The following STK31 variants were observed in gnomAD, a reference collection of about 807,000 sequenced individuals.
The protein encoded by STK31 is serine/threonine kinase 31, also known as serine/threonine-protein kinase 31.
Under a neutral mutation model 129.7 loss-of-function variants are expected in STK31, and 89 were observed. The ratio of observed to expected loss-of-function variants is 0.69; its 90% CI spans 0.58 to 0.82. The LOEUF (loss-of-function observed/expected upper bound fraction) is 0.82. STK31 is among the 40% of genes least tolerant of loss of function. STK31 has a pLI of 0.00. For synonymous variants in STK31, 448 were observed against 395.3 expected, an observed-to-expected ratio of 1.13 and a Z score of -1.58; for missense variants, 1,187 against 1,176.4, an observed-to-expected ratio of 1.01 and a Z score of -0.13.
intron 4 of STK31, among the ~76,000 whole-genome samples, chr7:23,718,215 C>T (rs1212027395): frequency 6.6e-6 from 1 of 152,158 alleles, no homozygotes; most frequent in Non-Finnish European, 1.5e-5. Context: ...ATGTACCTGG[C>T]ACTGTATTAA....
At chr7:23,721,877 A>AGCTT in intron 4 of STK31, 1 of 449,542 alleles carries the variant, frequency 2.2e-6, no homozygotes, top group South Asian at 2.1e-5. Flanking sequence ...CAGCTACTGA[A>AGCTT]GCTTGTGCAT....
intron 4 of STK31, chr7:23,726,436 A>C (rs1787081516): frequency 1.7e-5 from 1 of 57,376 alleles, no homozygotes; most frequent in Non-Finnish European, 5.3e-5. Flanking sequence ...CTACAAAAAA[A>C]AAAAAAAAAA....
At chr7:23,788,910 CATT>C (rs1380875252) in intron 21 of STK31, among the ~76,000 whole-genome samples, 2 of 152,040 alleles carry the variant, frequency 1.3e-5, no homozygotes, top group African/African-American at 2.4e-5. Context: ...AATTCCAGAA[CATT>C]ATTAACATTC....
intron 10 of STK31, among the ~76,000 whole-genome samples, chr7:23,756,250 T>G (rs974149982): frequency 6.6e-6 from 1 of 152,192 alleles, no homozygotes; most frequent in African/African-American, 2.4e-5. Context: ...TTTATTCTGT[T>G]TGTAGCAATT....
At chr7:23,821,507 G>C (rs1479399722) in intron 23 of STK31, among the ~76,000 whole-genome samples, 1 of 151,958 alleles carries the variant, frequency 6.6e-6, no homozygotes, top group Non-Finnish European at 1.5e-5. Flanking sequence ...CTTTTTAATG[G>C]AATTGTTTTC....
chr7:23,783,280 G>A (rs532508437), intron 16 of STK31, among the ~76,000 whole-genome samples: 2 of 152,268 alleles, frequency 1.3e-5, no homozygotes, highest in East Asian at 3.9e-4. Flanking sequence ...ATTGTTATAG[G>A]TCCACACTGC....
intron 5 of STK31, 137 bp from the exon 6 acceptor site, chr7:23,728,954 C>A: frequency 1.6e-6 from 1 of 628,850 alleles, no homozygotes; most frequent in Non-Finnish European, 2.4e-6. Context: ...AAATCTGTTT[C>A]TGAATGTATT....
At chr7:23,740,942 A>G (rs1452157291) in intron 8 of STK31, among the ~76,000 whole-genome samples, 1 of 152,162 alleles carries the variant, frequency 6.6e-6, no homozygotes, top group Non-Finnish European at 1.5e-5. Context: ...CATTCCCTTT[A>G]TATGTACATG....
Position 23,735,675 on chromosome 7 carries a change from A to T in STK31, c.621A>T (p.Gly207=). Residue 207 remains glycine, a synonymous_variant, in exon 7 of 24, where the codon GGA becomes GGT. Coordinates refer to ENST00000355870, the MANE Select transcript of STK31 (RefSeq NM_031414.5). ...TAGGGGAAGAGGTGCTTAAGAAAGGATTTGCAGAGAAATGCAGACTTGCTT... is the reference window on the plus strand; with the variant it reads ...TAGGGGAAGAGGTGCTTAAGAAAGGTTTTGCAGAGAAATGCAGACTTGCTT... ...VDIGEEVLKK[G]FAEKCRLASR... is the part of the protein sequence containing the mutation. The T allele has an allele frequency of 6.2e-7, 1 of 1,614,074 alleles. No individual in the cohort carries two copies. Among genetic ancestry groups the T allele is most frequent in the Non-Finnish European group, 8.5e-7 (1 of 1,180,040 alleles).
At chr7:23,717,097 C>CCTTTT (rs1786381897) in intron 3 of STK31, among the ~76,000 whole-genome samples, 1 of 42,936 alleles carries the variant, frequency 2.3e-5, no homozygotes, top group Non-Finnish European at 4.2e-5. Flanking sequence ...TCGCAACCTG[C>CCTTTT]TTTTTTTTTT....
intron 1 of STK31, 37 bp downstream of exon 1, chr7:23,710,372 C>T (rs1271304677): frequency 6.2e-7 from 1 of 1,613,238 alleles, no homozygotes; most frequent in Non-Finnish European, 8.5e-7. Context: ...CAGTGGTGGC[C>T]GCTTCAAGGA....
intron 8 of STK31, among the ~76,000 whole-genome samples, chr7:23,739,933 C>T (rs554981875): frequency 6.6e-5 from 10 of 152,176 alleles, no homozygotes; most frequent in African/African-American, 9.6e-5. Flanking sequence ...GTTCATTTTG[C>T]TTAGGTTTGT....
intron 8 of STK31, among the ~76,000 whole-genome samples, chr7:23,741,764 G>C (rs73080974): frequency 0.044 from 6,742 of 152,282 alleles, 222 homozygotes; most frequent in South Asian, 0.077. Context: ...ATGAAGCAGT[G>C]GGGAGTGTGT....
intron 23 of STK31, among the ~76,000 whole-genome samples, chr7:23,819,701 C>CA (rs66459521): frequency 0.44 from 66,408 of 151,930 alleles, 14,879 homozygotes; most frequent in Admixed American, 0.52. Context: ...AGCAGTTAAA[C>CA]AGATTATTTT....
At chr7:23,819,169 C>G (rs1179013546) in intron 23 of STK31, among the ~76,000 whole-genome samples, 1 of 152,012 alleles carries the variant, frequency 6.6e-6, no homozygotes, top group Non-Finnish European at 1.5e-5. Flanking sequence ...GTTATTTTTT[C>G]TCATTTGGAT....
intron 22 of STK31, among the ~76,000 whole-genome samples, chr7:23,793,329 G>A (rs553079642): frequency 2.0e-5 from 3 of 152,120 alleles, no homozygotes; most frequent in East Asian, 1.9e-4. Flanking sequence ...TTTGACTTTC[G>A]ATTTGGCAAA....
At chr7:23,799,993 T>C (rs978254316) in intron 22 of STK31, among the ~76,000 whole-genome samples, 2 of 152,192 alleles carry the variant, frequency 1.3e-5, no homozygotes, top group Admixed American at 1.3e-4. Context: ...AAGCTCATCA[T>C]CACTGGTCAT....
chr7:23,813,802 A>T (rs2128126800), intron 22 of STK31, among the ~76,000 whole-genome samples: 1 of 152,184 alleles, frequency 6.6e-6, no homozygotes, highest in Middle Eastern at 3.4e-3. Context: ...CTCCTTTCCT[A>T]TGACCGATGC....
chr7:23,798,549 C>T (rs1271910114), intron 22 of STK31, among the ~76,000 whole-genome samples: 2 of 151,736 alleles, frequency 1.3e-5, no homozygotes, highest in East Asian at 3.9e-4. Context: ...TAAAATTCAA[C>T]ACCCTTCATG....
Sources: allele counts gnomAD v4.1 joint callset (sites outside exome capture counted in the v4.1 genomes callset), GRCh38; gene constraint gnomAD v4.1.1; transcripts MANE v1.5; gene names NCBI Gene and HGNC (gene_info 2026-07-23, HGNC 2026-07-21).